Variants in SLC4A4 observed in about 807,000 individuals in gnomAD.
SLC4A4 encodes solute carrier family 4 member 4.
Under a neutral mutation model 111.5 loss-of-function variants are expected in SLC4A4, and 27 were observed. That is an observed-to-expected ratio of 0.24 (90% confidence interval 0.18 to 0.33). The LOEUF (loss-of-function observed/expected upper bound fraction) is 0.33. Ranked by LOEUF, SLC4A4 falls within the 10% of genes least tolerant of loss-of-function variation. The probability of loss-of-function intolerance (pLI) is 1.00; values close to 1 mark genes in which losing one functional copy is unlikely to be tolerated. For missense variants in SLC4A4, 909 were observed against 1,315.5 expected (o/e 0.69, Z 4.78); for synonymous variants, 443 against 463.4 (o/e 0.96, Z 0.57).
chr4:71,527,319 G>A (rs55667234), intron 16 of SLC4A4, among the ~76,000 whole-genome samples: 117,389 of 151,994 alleles, frequency 0.77, 46,280 homozygotes, highest in East Asian at 0.93. Context: ...GATGAGAAGT[G>A]GCAGGATCCT....
chr4:71,274,996 C>T (rs530539694), intron 3 of SLC4A4, among the ~76,000 whole-genome samples: 3 of 152,064 alleles, frequency 2.0e-5, no homozygotes, highest in African/African-American at 7.2e-5. Flanking sequence ...CTAAAATGTC[C>T]ATTTGAGGCC....
intron 5 of SLC4A4, among the ~76,000 whole-genome samples, chr4:71,353,505 C>G (rs986628752): frequency 1.8e-4 from 27 of 152,048 alleles, no homozygotes; most frequent in African/African-American, 6.5e-4. Flanking sequence ...TAATCAAAAC[C>G]CTACAGAGGA....
intron 1 of SLC4A4, chr4:71,236,343 T>C (rs984505281): frequency 1.8e-5 from 17 of 938,288 alleles, no homozygotes; most frequent in Admixed American, 6.7e-5. Context: ...CTCTTACCTG[T>C]CTATGTGGGT....
intron 6 of SLC4A4, among the ~76,000 whole-genome samples, chr4:71,385,172 T>TATATATATATATATATAG (rs1718568408): frequency 9.0e-5 from 1 of 11,068 alleles, no homozygotes; most frequent in African/African-American, 1.3e-4. Flanking sequence ...AGGTTAGATT[T>TATATATATATATATATAG]ATATATATAT....
chr4:71,442,637 T>C (rs1178357006), intron 8 of SLC4A4, among the ~76,000 whole-genome samples: 1 of 152,214 alleles, frequency 6.6e-6, no homozygotes, highest in Non-Finnish European at 1.5e-5. Context: ...ATGATATGTT[T>C]TAATGTGCAT....
chr4:71,464,113 T>C (rs1727096498), intron 12 of SLC4A4, among the ~76,000 whole-genome samples: 2 of 152,260 alleles, frequency 1.3e-5, no homozygotes, highest in East Asian at 3.9e-4. Context: ...TGGTGTAAGT[T>C]GTAAAAAAGA....
chr4:71,108,960 G>C (rs927025792), intron 2 of SLC4A4, among the ~76,000 whole-genome samples: 3 of 151,792 alleles, frequency 2.0e-5, no homozygotes. Context: ...TTATCTAGTT[G>C]ATCTGCCATT....
At chr4:71,348,313 TCACACACACACACA>T (rs35326504) in intron 4 of SLC4A4, among the ~76,000 whole-genome samples, 25 of 143,844 alleles carry the variant, frequency 1.7e-4, no homozygotes, top group African/African-American at 3.1e-4. Context: ...ACTAATTTAG[TCACACACACACACA>T]CACACACACA....
At chr4:71,140,181 A>G (rs1743956918) in intron 2 of SLC4A4, among the ~76,000 whole-genome samples, 1 of 152,128 alleles carries the variant, frequency 6.6e-6, no homozygotes, top group African/African-American at 2.4e-5. Flanking sequence ...GACCTTTGGG[A>G]GACGAAGGTA....
chr4:71,094,113 C>T (rs190654457), intron 2 of SLC4A4, among the ~76,000 whole-genome samples: 3 of 152,254 alleles, frequency 2.0e-5, no homozygotes, highest in Admixed American at 6.5e-5. Flanking sequence ...ACAGATTTCC[C>T]TTATGAATTT....
intron 6 of SLC4A4, among the ~76,000 whole-genome samples, chr4:71,374,300 T>C (rs957879347): frequency 2.6e-5 from 4 of 152,244 alleles, no homozygotes; most frequent in Admixed American, 6.5e-5. Flanking sequence ...TTTCCACGTA[T>C]ATTTTTGGCC....
At chr4:71,215,978 A>G (rs1427865462) in intron 1 of SLC4A4, among the ~76,000 whole-genome samples, 1 of 142,524 alleles carries the variant, frequency 7.0e-6, no homozygotes, top group Non-Finnish European at 1.5e-5. Context: ...GATCTTGGCT[A>G]ATTGCATCTT....
At chr4:71,095,550 G>T (rs1158766570) in intron 2 of SLC4A4, among the ~76,000 whole-genome samples, 1 of 152,182 alleles carries the variant, frequency 6.6e-6, no homozygotes, top group Admixed American at 6.5e-5. Context: ...GCTCAACTGC[G>T]CATTGCCTGC....
At chr4:71,066,863 C>T (rs1355916629) in intron 1 of SLC4A4, among the ~76,000 whole-genome samples, 1 of 152,186 alleles carries the variant, frequency 6.6e-6, no homozygotes, top group Non-Finnish European at 1.5e-5. Flanking sequence ...TTTGCTTATC[C>T]TATACCCCTC....
chr4:71,374,618 A>G (rs1290199460), intron 6 of SLC4A4, among the ~76,000 whole-genome samples: 11 of 152,190 alleles, frequency 7.2e-5, no homozygotes, highest in Admixed American at 5.9e-4. Context: ...TTTACAATGG[A>G]CTAAAATATA....
At chr4:71,095,099 A>G (rs1359161848) in intron 2 of SLC4A4, among the ~76,000 whole-genome samples, 1 of 152,258 alleles carries the variant, frequency 6.6e-6, no homozygotes, top group Non-Finnish European at 1.5e-5. Flanking sequence ...CACTATGTTG[A>G]AAAAGGATTC....
intron 15 of SLC4A4, among the ~76,000 whole-genome samples, chr4:71,489,007 A>G (rs1400332162): frequency 2.0e-5 from 3 of 149,328 alleles, no homozygotes; most frequent in Admixed American, 6.8e-5. Flanking sequence ...TATGTTGTGT[A>G]TACACACACA....
chr4:71,119,066 GATA>G (rs1560729304), intron 2 of SLC4A4, among the ~76,000 whole-genome samples: 5 of 152,166 alleles, frequency 3.3e-5, no homozygotes, highest in Admixed American at 2.6e-4. Context: ...GAATCTGGGC[GATA>G]ATGATGTGTC....
intron 1 of SLC4A4, among the ~76,000 whole-genome samples, chr4:71,226,181 G>T (rs982752538): frequency 6.6e-6 from 1 of 152,026 alleles, no homozygotes; most frequent in Non-Finnish European, 1.5e-5. Context: ...TGCATAGGCC[G>T]GAGTGCAGTG....
Sources: gnomAD v4.1 joint callset for allele counts (sites outside exome capture counted in the v4.1 genomes callset) on GRCh38, gnomAD v4.1.1 for gene constraint, MANE v1.5 for transcripts, NCBI Gene and HGNC (gene_info 2026-07-23, HGNC 2026-07-21) for gene names.